The following LRMDA variants were observed in gnomAD, a reference collection of about 807,000 sequenced individuals.
LRMDA encodes the protein leucine-rich melanocyte differentiation-associated protein.
Under a neutral mutation model 29.8 loss-of-function variants are expected in LRMDA, and 18 were observed. The observed-to-expected ratio is 0.60, with a 90% confidence interval of 0.42 to 0.90. The LOEUF (loss-of-function observed/expected upper bound fraction) is 0.90, where lower values mean the gene tolerates loss of function less well. Among genes scored for constraint, LRMDA ranks in the 40% least tolerant of loss-of-function variants. The pLI is 0.00. For synonymous variants in LRMDA, 125 were observed against 109.4 expected (o/e 1.14, Z -0.89); for missense variants, 273 against 273.9 (o/e 1.00, Z 0.02).
chr10:76,558,435 T>A lies in LRMDA; in HGVS notation c.*1147T>A, dbSNP rs1843585095. ...ATGCTTGGCTGTGCACTAGCACTAA[T>A]GTCACAAGGAACATAAGTGTGATCA... On this transcript the variant is annotated 3_prime_UTR_variant, in exon 7 of 7. Transcript: ENST00000611255. 6 of 152,254 alleles carry A rather than the reference T, an allele frequency of 3.9e-5. No homozygotes were observed. 9.4% of individuals were successfully genotyped at this position (152,254 alleles called of 1,614,324 possible).
intron 6 of LRMDA, among the ~76,000 whole-genome samples, chr10:76,456,354 G>C (rs1842456888): frequency 6.6e-6 from 1 of 152,152 alleles, no homozygotes; most frequent in Non-Finnish European, 1.5e-5. Context: ...TGTCTGCCAA[G>C]TTCTCAAAGG....
At chr10:75,974,805 C>T (rs764423781) in intron 2 of LRMDA, among the ~76,000 whole-genome samples, 10 of 152,164 alleles carry the variant, frequency 6.6e-5, no homozygotes, top group Admixed American at 5.9e-4. Flanking sequence ...GGCATAATAC[C>T]TGGCACATAG....
rs552908110 is a variant in LRMDA, at chr10:76,543,167, A to C, written c.602-14042A>C. Among the ~76,000 whole-genome samples, 12 of 152,222 alleles carry C rather than the reference A, an allele frequency of 7.9e-5. No homozygotes were observed. In the South Asian group the frequency reaches 2.5e-3, roughly 32 times the overall value. ...TCACTGAGACCTGGTGTAGGATGAA[A>C]CTGTCACTTGGAGATTCTCAGGAAG... On this transcript the variant is annotated intron_variant, in intron 6 of 6. Transcript: ENST00000611255.
At chr10:75,549,765 TA>T (rs1359303690) in intron 2 of LRMDA, among the ~76,000 whole-genome samples, 2 of 152,214 alleles carry the variant, frequency 1.3e-5, no homozygotes, top group African/African-American at 4.8e-5. Flanking sequence ...TTTATCGCCA[TA>T]AAAAGTTTCC....
intron 6 of LRMDA, among the ~76,000 whole-genome samples, chr10:76,509,064 A>G (rs1228282100): frequency 6.6e-6 from 1 of 152,190 alleles, no homozygotes; most frequent in African/African-American, 2.4e-5. Flanking sequence ...GAAATTGTCT[A>G]TACATTATTT....
chr10:75,556,681 T>C (rs1840217182), intron 2 of LRMDA, among the ~76,000 whole-genome samples: 1 of 151,510 alleles, frequency 6.6e-6, no homozygotes, highest in South Asian at 2.1e-4. Flanking sequence ...GTTTACAGTG[T>C]ATGCATGTAT....
At chr10:76,172,734 G>T (rs775278178) in intron 5 of LRMDA, among the ~76,000 whole-genome samples, 1 of 152,168 alleles carries the variant, frequency 6.6e-6, no homozygotes, top group Non-Finnish European at 1.5e-5. Context: ...GACTACTCAG[G>T]AGAGTATTGT....
At chr10:75,897,691 A>G (rs1564600453) in intron 2 of LRMDA, among the ~76,000 whole-genome samples, 1 of 152,166 alleles carries the variant, frequency 6.6e-6, no homozygotes, top group East Asian at 1.9e-4. Context: ...CTAAGATTAA[A>G]CCACCTACTT....
intron 5 of LRMDA, among the ~76,000 whole-genome samples, chr10:76,174,945 AC>A (rs1391273028): frequency 6.6e-6 from 1 of 152,092 alleles, no homozygotes; most frequent in Non-Finnish European, 1.5e-5. Flanking sequence ...ACACAGGGAA[AC>A]CCAATCTCTA....
intron 2 of LRMDA, among the ~76,000 whole-genome samples, chr10:75,656,813 G>T (rs1377916731): frequency 6.6e-6 from 1 of 152,182 alleles, no homozygotes; most frequent in Admixed American, 6.5e-5. Flanking sequence ...GTATTGGATT[G>T]CATTAAACAG....
intron 5 of LRMDA, among the ~76,000 whole-genome samples, chr10:76,102,144 C>A (rs1354918631): frequency 2.0e-5 from 3 of 152,170 alleles, no homozygotes; most frequent in Non-Finnish European, 4.4e-5. Flanking sequence ...CTTTGTATGG[C>A]TATATCACAT....
chr10:76,167,869 A>AT (rs1850768808), intron 5 of LRMDA, among the ~76,000 whole-genome samples: 3 of 151,674 alleles, frequency 2.0e-5, no homozygotes, highest in Non-Finnish European at 2.9e-5. Context: ...CATGATATTG[A>AT]TTTTTCCCAT....
intron 2 of LRMDA, among the ~76,000 whole-genome samples, chr10:76,014,329 A>G (rs1040211605): frequency 2.0e-5 from 3 of 151,792 alleles, no homozygotes; most frequent in Non-Finnish European, 4.4e-5. Flanking sequence ...TTACGGGGTT[A>G]AACCCAGCTG....
chr10:75,835,586 C>T (rs1490866945), intron 2 of LRMDA, among the ~76,000 whole-genome samples: 1 of 152,204 alleles, frequency 6.6e-6, no homozygotes, highest in African/African-American at 2.4e-5. Flanking sequence ...GGTTGATAGA[C>T]AGCACGTAGT....
intron 6 of LRMDA, among the ~76,000 whole-genome samples, chr10:76,393,292 T>C (rs1841744995): frequency 6.6e-6 from 1 of 152,164 alleles, no homozygotes; most frequent in South Asian, 2.1e-4. Context: ...ACTGGTAATG[T>C]ACATGGGTTC....
At chr10:76,315,246 G>T (rs1423482170) in intron 5 of LRMDA, among the ~76,000 whole-genome samples, 4 of 152,270 alleles carry the variant, frequency 2.6e-5, no homozygotes, top group Non-Finnish European at 4.4e-5. Context: ...ATTAGCTTCA[G>T]TGGGGCAGGA....
At chr10:75,954,916 A>G (rs535324822) in intron 2 of LRMDA, among the ~76,000 whole-genome samples, 1 of 152,216 alleles carries the variant, frequency 6.6e-6, no homozygotes, top group Non-Finnish European at 1.5e-5. Context: ...TCACCTATGT[A>G]TATTTTTATG....
At chr10:76,535,277 T>G (rs1843278116) in intron 6 of LRMDA, among the ~76,000 whole-genome samples, 1 of 152,112 alleles carries the variant, frequency 6.6e-6, no homozygotes, top group Admixed American at 6.6e-5. Context: ...GAAGGATGCA[T>G]TATATATGTG....
chr10:76,210,663 G>A (rs757652479), intron 5 of LRMDA, among the ~76,000 whole-genome samples: 1 of 152,174 alleles, frequency 6.6e-6, no homozygotes, highest in Non-Finnish European at 1.5e-5. Flanking sequence ...GTAGGGGCGA[G>A]AGGAAGAAAG....
Sources: allele counts gnomAD v4.1 joint callset (sites outside exome capture counted in the v4.1 genomes callset), GRCh38; gene constraint gnomAD v4.1.1; transcripts MANE v1.5; gene names NCBI Gene and HGNC (gene_info 2026-07-23, HGNC 2026-07-21).